Variants in EYS observed in about 807,000 individuals in gnomAD.
The protein encoded by EYS is protein eyes shut homolog.
A neutral mutation model predicts 282.1 loss-of-function variants in EYS; 250 were observed. The ratio of observed to expected loss-of-function variants is 0.89; its 90% confidence interval spans 0.80 to 0.98. EYS has a LOEUF of 0.98. EYS is among the 50% of genes least tolerant of loss of function. The probability of loss-of-function intolerance (pLI) is 0.00; values close to 1 mark genes in which losing one functional copy is unlikely to be tolerated. For synonymous variants in EYS, 1,355 were observed against 1,282.9 expected, an observed-to-expected ratio of 1.06 and a Z score of -1.20; for missense variants, 4,016 against 3,709.0, an observed-to-expected ratio of 1.08 and a Z score of -2.15.
chr6:64,748,024 T>G (rs1246779587), intron 22 of EYS, among the ~76,000 whole-genome samples: 1 of 152,192 alleles, frequency 6.6e-6, no homozygotes, highest in Non-Finnish European at 1.5e-5. Flanking sequence ...CCAACCAAGG[T>G]AGTCCCAAAT....
chr6:63,755,645 A>G (rs1769460195), intron 41 of EYS, among the ~76,000 whole-genome samples: 1 of 152,144 alleles, frequency 6.6e-6, no homozygotes. Flanking sequence ...TATTTAAAGT[A>G]GTTTTTTTCC....
intron 31 of EYS, among the ~76,000 whole-genome samples, chr6:64,091,823 C>G (rs1772373219): frequency 6.6e-6 from 1 of 152,054 alleles, no homozygotes; most frequent in Non-Finnish European, 1.5e-5. Context: ...CATATGTATA[C>G]ATGTGCCATG....
intron 31 of EYS, among the ~76,000 whole-genome samples, chr6:64,201,138 T>C (rs1765450428): frequency 6.6e-6 from 1 of 152,124 alleles, no homozygotes; most frequent in African/African-American, 2.4e-5. Context: ...AGTTGACATA[T>C]TAATAGATAA....
At chr6:64,484,164 C>A (rs193163457) in intron 26 of EYS, among the ~76,000 whole-genome samples, 14 of 151,642 alleles carry the variant, frequency 9.2e-5, no homozygotes, top group Non-Finnish European at 1.5e-5. Context: ...AGGCCACCTT[C>A]CTGTGTATCT....
At chr6:65,259,930 A>G (rs1211022146) in intron 12 of EYS, among the ~76,000 whole-genome samples, 4 of 152,100 alleles carry the variant, frequency 2.6e-5, no homozygotes, top group South Asian at 2.1e-4. Context: ...TGTAAAGTGA[A>G]GTGGTTGGAG....
intron 15 of EYS, among the ~76,000 whole-genome samples, chr6:64,944,806 G>C (rs1769220055): frequency 6.6e-6 from 1 of 152,084 alleles, no homozygotes. Context: ...CCCTATGGTG[G>C]GAGGCGAGAC....
chr6:64,780,392 A>C (rs1162429745), intron 22 of EYS, among the ~76,000 whole-genome samples: 1 of 152,188 alleles, frequency 6.6e-6, no homozygotes, highest in Non-Finnish European at 1.5e-5. Context: ...GGAGCCATTA[A>C]TCTAAACGAA....
intron 2 of EYS, among the ~76,000 whole-genome samples, chr6:65,497,228 G>T (rs1460518643): frequency 6.6e-6 from 1 of 152,006 alleles, no homozygotes; most frequent in Non-Finnish European, 1.5e-5. Context: ...TAATCAGTTG[G>T]AATAGGGTAT....
chr6:64,446,178 G>A (rs9345116), intron 26 of EYS, among the ~76,000 whole-genome samples: 42,637 of 151,992 alleles, frequency 0.28, 6,110 homozygotes, highest in East Asian at 0.46. Flanking sequence ...CTAGGTGGGT[G>A]GTTGCTAGTT....
intron 31 of EYS, among the ~76,000 whole-genome samples, chr6:64,207,052 A>G (rs1335396119): frequency 1.3e-5 from 2 of 151,944 alleles, no homozygotes; most frequent in Non-Finnish European, 2.9e-5. Flanking sequence ...TTAGCTCCCA[A>G]TTATAAGTGA....
intron 12 of EYS, among the ~76,000 whole-genome samples, chr6:65,180,891 T>C (rs920572547): frequency 6.6e-6 from 1 of 151,990 alleles, no homozygotes; most frequent in East Asian, 2.0e-4. Flanking sequence ...AGAGCCCTCA[T>C]AAATAATGCT....
chr6:65,157,900 G>A (rs1008380872), intron 12 of EYS, among the ~76,000 whole-genome samples: 5 of 150,694 alleles, frequency 3.3e-5, no homozygotes, highest in Non-Finnish European at 7.4e-5. Context: ...CCTATATCAT[G>A]TATAGCGTAT....
At chr6:63,816,724 C>T (rs536730515) in intron 36 of EYS, among the ~76,000 whole-genome samples, 1 of 152,328 alleles carries the variant, frequency 6.6e-6, no homozygotes, top group East Asian at 1.9e-4. Context: ...ATTGGCTTAT[C>T]CTAAGGCATG....
intron 12 of EYS, among the ~76,000 whole-genome samples, chr6:65,089,007 T>A (rs1774468587): frequency 6.6e-6 from 1 of 152,172 alleles, no homozygotes; most frequent in Non-Finnish European, 1.5e-5. Context: ...AGTCAAGAAC[T>A]GAGGTTTGGG....
At chr6:64,898,258 T>C (rs1767538852) in intron 18 of EYS, among the ~76,000 whole-genome samples, 1 of 152,170 alleles carries the variant, frequency 6.6e-6, no homozygotes, top group South Asian at 2.1e-4. Context: ...CGGATCTTTC[T>C]GCAGAAAACC....
chr6:63,844,984 T>C (rs1358638893), intron 36 of EYS, among the ~76,000 whole-genome samples: 1 of 152,198 alleles, frequency 6.6e-6, no homozygotes, highest in Non-Finnish European at 1.5e-5. Flanking sequence ...AGGGCTTTTA[T>C]AGTTTTGGGT....
chr6:63,904,187 G>T (rs1773720458), intron 35 of EYS, among the ~76,000 whole-genome samples: 1 of 152,098 alleles, frequency 6.6e-6, no homozygotes, highest in East Asian at 1.9e-4. Context: ...AACTGTCCTT[G>T]CTTCATGCTC....
Position 64,676,351 on chromosome 6 carries a change from T to TATAGAGAG in EYS, c.3444-50107_3444-50106insCTCTCTAT, listed in dbSNP as rs1554192088. ...ATATCTATATATCTATATATATATATAGAGAGAGAGAGGGAGAGAAAGAGG... is the reference window on the plus strand; with the variant it reads ...ATATCTATATATCTATATATATATATATAGAGAGAGAGAGAGAGAGGGAGAGAAAGAGG... On this transcript the variant is annotated intron_variant, in intron 22 of 42. Transcript: ENST00000503581. Among the ~76,000 whole-genome samples the TATAGAGAG allele has an allele frequency of 4.2e-4, 61 of 145,464 alleles. 1 individual carries two copies. The highest frequency in any genetic ancestry group is 3.6e-3 in the Middle Eastern group (1 of 276).
chr6:65,476,551 T>C (rs1455273248), intron 5 of EYS, among the ~76,000 whole-genome samples: 2 of 152,050 alleles, frequency 1.3e-5, no homozygotes, highest in African/African-American at 4.8e-5. Context: ...AATCAGGAAA[T>C]GTTCATTTAT....
Sources: allele counts gnomAD v4.1 joint callset (sites outside exome capture counted in the v4.1 genomes callset), GRCh38; gene constraint gnomAD v4.1.1; transcripts MANE v1.5; gene names NCBI Gene and HGNC (gene_info 2026-07-23, HGNC 2026-07-21).